NCKAP5: variants seen among roughly 807,000 people sequenced by gnomAD.
NCKAP5 encodes nck-associated protein 5.
In NCKAP5, 92 loss-of-function variants were observed where a neutral mutation model predicts 167.0. That is an observed-to-expected ratio of 0.55 (90% confidence interval 0.47 to 0.66). The LOEUF (loss-of-function observed/expected upper bound fraction) is 0.66. NCKAP5 is among the 30% of genes least tolerant of loss of function. NCKAP5 has a pLI of 0.00. For missense variants in NCKAP5, 2,378 were observed against 2,315.0 expected, an observed-to-expected ratio of 1.03 and a Z score of -0.56; for synonymous variants, 891 against 877.4, an observed-to-expected ratio of 1.02 and a Z score of -0.27.
chr2:133,224,376 T>C (rs2086792173), intron 4 of NCKAP5, among the ~76,000 whole-genome samples: 1 of 152,180 alleles, frequency 6.6e-6, no homozygotes, highest in South Asian at 2.1e-4. Context: ...GAGGCAAGAT[T>C]ACAAACGCCT....
chr2:133,058,802 T>G (rs1235892850), intron 6 of NCKAP5, among the ~76,000 whole-genome samples: 1 of 152,220 alleles, frequency 6.6e-6, no homozygotes, highest in Non-Finnish European at 1.5e-5. Flanking sequence ...TGTTCTATTG[T>G]CCTGTGGATA....
In NCKAP5 at chr2:132,995,335, A is replaced by C. The variant is rs1333430805; in HGVS notation, c.342-1096T>G. ...TATTTTCTGTATGTCCTTAGTATATAAGTTTTTAAAAATTGTTTTAAAAAA... is the reference window on the plus strand; with the variant it reads ...TATTTTCTGTATGTCCTTAGTATATCAGTTTTTAAAAATTGTTTTAAAAAA... On this transcript the variant is annotated intron_variant, in intron 6 of 19. Coordinates refer to ENST00000409261, the MANE Select transcript of NCKAP5 (RefSeq NM_207363.3). Among the ~76,000 whole-genome samples the C allele has an allele frequency of 2.6e-5, 4 of 152,204 alleles. No homozygotes were observed. The East Asian group carries it at 7.7e-4, about 29-fold the overall frequency.
intron 3 of NCKAP5, among the ~76,000 whole-genome samples, chr2:133,374,829 T>C (rs942633071): frequency 2.0e-5 from 3 of 152,164 alleles, no homozygotes; most frequent in Non-Finnish European, 4.4e-5. Flanking sequence ...CAAAGTATAG[T>C]AAAAGCCTCA....
At chr2:133,574,930 C>T in the NCKAP5 span, among the ~76,000 whole-genome samples, 1 of 152,198 alleles carries the variant, frequency 6.6e-6, no homozygotes, top group Non-Finnish European at 1.5e-5. Flanking sequence ...TAGGGGTGAG[C>T]AAGGCTGAGA....
chr2:133,562,819 C>T (rs1174283758), intron 1 of NCKAP5, among the ~76,000 whole-genome samples: 1 of 152,200 alleles, frequency 6.6e-6, no homozygotes, highest in Non-Finnish European at 1.5e-5. Flanking sequence ...GTAATTGAGG[C>T]TTCCAAACTG....
upstream of NCKAP5, among the ~76,000 whole-genome samples, chr2:133,571,470 T>C (rs575629844): frequency 4.8e-4 from 73 of 152,308 alleles, no homozygotes; most frequent in African/African-American, 1.7e-3. Flanking sequence ...CCCCGCCTCC[T>C]GCCCGCCTGC....
chr2:133,384,537 G>A (rs901120820), intron 3 of NCKAP5, among the ~76,000 whole-genome samples: 6 of 152,118 alleles, frequency 3.9e-5, no homozygotes, highest in South Asian at 2.1e-4. Context: ...TTGGCAATGC[G>A]GGCTCTTTTT....
At chr2:133,397,580 C>T (rs1039699053) in intron 3 of NCKAP5, among the ~76,000 whole-genome samples, 1 of 152,148 alleles carries the variant, frequency 6.6e-6, no homozygotes, top group Non-Finnish European at 1.5e-5. Flanking sequence ...AACCTCCTTG[C>T]AGAAAAGACA....
chr2:133,488,368 C>T (rs1013664958), intron 3 of NCKAP5, among the ~76,000 whole-genome samples: 1 of 152,166 alleles, frequency 6.6e-6, no homozygotes, highest in African/African-American at 2.4e-5. Flanking sequence ...GGCTGTTGAT[C>T]AGACATTGAC....
At chr2:133,373,613 G>A (rs1257285197) in intron 3 of NCKAP5, among the ~76,000 whole-genome samples, 27 of 152,112 alleles carry the variant, frequency 1.8e-4, no homozygotes, top group Non-Finnish European at 8.8e-5. Flanking sequence ...GAAAAATATC[G>A]AAGGAGATGA....
chr2:133,164,997 G>A (rs12476382), intron 5 of NCKAP5, among the ~76,000 whole-genome samples: 44,056 of 152,026 alleles, frequency 0.29, 6,389 homozygotes, highest in African/African-American at 0.31. Flanking sequence ...AAAGAGCAGT[G>A]GTTCTCAAAT....
At chr2:133,290,939 T>G (rs1441882589) in intron 4 of NCKAP5, among the ~76,000 whole-genome samples, 2 of 151,906 alleles carry the variant, frequency 1.3e-5, no homozygotes, top group Non-Finnish European at 2.9e-5. Flanking sequence ...AGACAGGATC[T>G]TAAACTCCTG....
intron 4 of NCKAP5, among the ~76,000 whole-genome samples, chr2:133,234,302 C>T (rs1205819577): frequency 6.6e-6 from 1 of 152,210 alleles, no homozygotes; most frequent in Non-Finnish European, 1.5e-5. Context: ...GACATTCACA[C>T]AGCATGGAGC....
chr2:133,519,905 C>T (rs1684331200), intron 2 of NCKAP5, among the ~76,000 whole-genome samples: 1 of 151,806 alleles, frequency 6.6e-6, no homozygotes, highest in Non-Finnish European at 1.5e-5. Flanking sequence ...AAGTGCCAAG[C>T]GGCCGGGCAC....
intron 8 of NCKAP5, among the ~76,000 whole-genome samples, chr2:132,896,509 G>A (rs1574555601): frequency 6.6e-6 from 1 of 152,176 alleles, no homozygotes; most frequent in Non-Finnish European, 1.5e-5. Context: ...TAAGGGTTGA[G>A]GGGAACTGAA....
At chr2:132,908,301 GCTTCAC>G (rs1030018293) in intron 8 of NCKAP5, among the ~76,000 whole-genome samples, 1 of 151,962 alleles carries the variant, frequency 6.6e-6, no homozygotes, top group African/African-American at 2.4e-5. Context: ...GTTTTTAGGT[GCTTCAC>G]CATCTTGGTT....
chr2:132,906,607 G>T (rs1260755018), intron 8 of NCKAP5, among the ~76,000 whole-genome samples: 1 of 152,158 alleles, frequency 6.6e-6, no homozygotes, highest in Non-Finnish European at 1.5e-5. Flanking sequence ...GCTTGAGAGA[G>T]CCCAACCTTG....
At chr2:133,493,904 T>A (rs1681693058) in intron 3 of NCKAP5, among the ~76,000 whole-genome samples, 1 of 152,146 alleles carries the variant, frequency 6.6e-6, no homozygotes, top group African/African-American at 2.4e-5. Context: ...GCTCCCTGGC[T>A]CTCCATCACC....
At chr2:133,417,862 GC>G (rs1040690222) in intron 3 of NCKAP5, among the ~76,000 whole-genome samples, 3 of 152,228 alleles carry the variant, frequency 2.0e-5, no homozygotes, top group African/African-American at 7.2e-5. Flanking sequence ...AGAAGAAAAG[GC>G]GTAGGAGAAA....
Sources: gnomAD v4.1 joint callset for allele counts (sites outside exome capture counted in the v4.1 genomes callset) on GRCh38, gnomAD v4.1.1 for gene constraint, MANE v1.5 for transcripts, NCBI Gene and HGNC (gene_info 2026-07-23, HGNC 2026-07-21) for gene names.